The following TMEM67 variants were observed in gnomAD, a reference collection of about 807,000 sequenced individuals.
TMEM67 encodes transmembrane protein 67, also known as meckelin.
In TMEM67, 124 loss-of-function variants were observed where a neutral mutation model predicts 136.6. The observed-to-expected ratio is 0.91, with a 90% CI of 0.78 to 1.05. TMEM67 has a LOEUF of 1.05. Among genes scored for constraint, TMEM67 ranks in the 50% least tolerant of loss-of-function variants. TMEM67 has a pLI of 0.00. For synonymous variants in TMEM67, 364 were observed against 390.5 expected, an observed-to-expected ratio of 0.93 and a Z score of 0.80; for missense variants, 1,107 against 1,178.4, an observed-to-expected ratio of 0.94 and a Z score of 0.89.
chr8:93,755,674 G>A, intron 1 of TMEM67, 104 bp from the exon 2 acceptor site: 1 of 778,606 alleles, frequency 1.3e-6, no homozygotes, highest in Non-Finnish European at 2.1e-6. Flanking sequence ...TCACTATACT[G>A]CTTCTCAAGA....
At chr8:93,763,185 C>G (rs1343915341) in intron 3 of TMEM67, 7 of 192,578 alleles carry the variant, frequency 3.6e-5, no homozygotes, top group African/African-American at 1.4e-4. Flanking sequence ...CCACCTTAGC[C>G]TCCCAAAGGG....
At position 93,781,746 on chromosome 8, in the gene TMEM67, T is replaced by C; in HGVS notation, c.1065+2T>C. The C allele has an allele frequency of 6.4e-7, 1 of 1,570,624 alleles. No homozygotes were observed. Among genetic ancestry groups the C allele is most frequent in the Non-Finnish European group, 8.7e-7 (1 of 1,143,058 alleles). On this transcript the variant is annotated splice_donor_variant, in intron 10 of 27. Coordinates refer to ENST00000453321, the MANE Select transcript of TMEM67 (RefSeq NM_153704.6). LOFTEE classifies it high-confidence loss of function. Reference sequence around the variant, plus strand: ...ACTTTAGAAGGAGGTGTTTTACAGGTAAGCATGATTCTAGTTAAAGAATTA... The same window carrying C: ...ACTTTAGAAGGAGGTGTTTTACAGGCAAGCATGATTCTAGTTAAAGAATTA...
Position 93,780,601 on chromosome 8 carries a change from C to T in TMEM67, c.723C>T (p.Ala241=). The T allele has an allele frequency of 6.2e-7, 1 of 1,614,086 alleles. No individual in the cohort carries two copies. Among genetic ancestry groups the T allele is most frequent in the South Asian group, 1.1e-5 (1 of 91,080 alleles). ...CCATTGTTCTGTTGTAGGTATATGC[C>T]AATCTAACATCTTGTCAAGCTCTTG... ...QSSAAACWVY[A]NLTSCQALGN... Residue 241 remains alanine, a synonymous_variant, in exon 8 of 28, where the codon GCC becomes GCT. Transcript: ENST00000453321.
chr8:93,785,626 G>A (rs1441454559), intron 12 of TMEM67: 1 of 371,568 alleles, frequency 2.7e-6, no homozygotes, highest in African/African-American at 2.1e-5. Flanking sequence ...AGAAACATTA[G>A]TAGAACCGTA....
downstream of TMEM67, among the ~76,000 whole-genome samples, chr8:93,823,399 C>G (rs941620618): frequency 1.3e-5 from 2 of 151,818 alleles, no homozygotes; most frequent in African/African-American, 4.8e-5. Context: ...GGGATTAGGA[C>G]CTGGATTTTT....
intron 7 of TMEM67, among the ~76,000 whole-genome samples, chr8:93,775,594 A>G (rs1302273794): frequency 1.3e-5 from 2 of 152,156 alleles, no homozygotes; most frequent in African/African-American, 4.8e-5. Context: ...TCCCAGCACC[A>G]TTTATTAAAT....
chr8:93,762,829 A>G (rs151106572), intron 3 of TMEM67: 294 of 292,746 alleles, frequency 1.0e-3, no homozygotes, highest in African/African-American at 6.0e-3. Context: ...CATAAGTGGT[A>G]TGTTTGCATA....
rs140191346 is a variant in TMEM67, at chr8:93,782,407, A to G, written c.1078A>G (p.Thr360Ala). The G allele has an allele frequency of 2.9e-4, 469 of 1,612,972 alleles. No homozygotes were observed. In the African/African-American group the frequency reaches 5.8e-3, roughly 20 times the overall value. ...TATTTTGCTGCAGCTTTGTCCAGACACAGAGACAAGGCTAAATGCTGCTTA... is the reference window on the plus strand; with the variant it reads ...TATTTTGCTGCAGCTTTGTCCAGACGCAGAGACAAGGCTAAATGCTGCTTA... ...EGGVLQLCPD[T>A]ETRLNAAYSF... is the part of the protein sequence containing the mutation. Residue 360 changes from threonine (T) to alanine (A), a missense_variant, in exon 11 of 28, where the codon ACA (threonine) becomes GCA (alanine). By Grantham distance (58) the Thr-to-Ala change is moderately conservative. Around this residue, in one of 3 missense-constraint regions of TMEM67, gnomAD observed 925 missense variants for 1,002.4 expected, o/e 0.92. Coordinates refer to ENST00000453321, the MANE Select transcript of TMEM67 (RefSeq NM_153704.6).
chr8:93,795,535 C>CT, intron 17 of TMEM67, 28 bp downstream of exon 17: 1 of 1,508,760 alleles, frequency 6.6e-7, no homozygotes, highest in Non-Finnish European at 9.2e-7. Flanking sequence ...TTTTCCCCAA[C>CT]TGCCAATATC....
chr8:93,776,839 T>G (rs530197059), intron 7 of TMEM67, among the ~76,000 whole-genome samples: 151 of 152,334 alleles, frequency 9.9e-4, no homozygotes, highest in African/African-American at 3.1e-3. Flanking sequence ...TCTGCCAGGC[T>G]TTGGTATCAG....
chr8:93,774,041 G>A (rs1813431272), intron 7 of TMEM67, among the ~76,000 whole-genome samples: 1 of 149,826 alleles, frequency 6.7e-6, no homozygotes, highest in Non-Finnish European at 1.5e-5. Context: ...TTTTTTTTGA[G>A]ACGGAGCCTC....
downstream of TMEM67, among the ~76,000 whole-genome samples, chr8:93,822,600 C>T (rs188659753): frequency 1.3e-5 from 2 of 152,294 alleles, no homozygotes; most frequent in Admixed American, 6.5e-5. Flanking sequence ...GCAAGAGGAA[C>T]GCCATTCTCC....
chr8:93,794,473 C>T (rs1033422093), intron 16 of TMEM67, among the ~76,000 whole-genome samples: 15 of 152,108 alleles, frequency 9.9e-5, no homozygotes, highest in African/African-American at 3.4e-4. Context: ...TTATTATTTG[C>T]GTTTTACACG....
chr8:93,826,192 C>T, the TMEM67 span, among the ~76,000 whole-genome samples: 1 of 129,702 alleles, frequency 7.7e-6, no homozygotes, highest in South Asian at 2.6e-4. Context: ...TGCAGTGGCG[C>T]TATCTCGGCT....
At chr8:93,795,776 T>A (rs1814582886) in intron 17 of TMEM67, 125 bp from the exon 18 acceptor site, 2 of 740,556 alleles carry the variant, frequency 2.7e-6, no homozygotes, top group Non-Finnish European at 4.5e-6. Context: ...CAGAATCAAG[T>A]CCTGCCCGGG....
Position 93,755,049 on chromosome 8 carries a change from G to T in TMEM67, c.135G>T (p.Gln45His). The T allele has an allele frequency of 1.2e-6, 2 of 1,614,178 alleles. No individual in the cohort carries two copies. The highest frequency in any genetic ancestry group is 1.7e-6 in the Non-Finnish European group (2 of 1,180,026). The change falls in exon 1 of 28, where the codon CAG (glutamine) becomes CAT (histidine). Residue 45 changes from glutamine (Q) to histidine (H), a missense_variant. This residue lies in a region of TMEM67 where 178 missense variants were observed against 159.2 expected (regional missense o/e 1.12). Transcript: ENST00000453321. Reference protein sequence around the residue: ...QAQTFSFPFQQPEKCDNNQYF... With the variant: ...QAQTFSFPFQHPEKCDNNQYF... The stretch of plus-strand genomic sequence containing the variant: ...AGACCTTCTCTTTCCCTTTCCAGCA[G>T]CCGGAGAAGTGCGACAACAACCAGT...
In TMEM67 at chr8:93,765,389, T is replaced by C. The variant is rs776471390; in HGVS notation, c.507-17T>C. 3.8e-6 allele frequency: 6 copies of C among 1,599,902 alleles called. No homozygotes were observed. Among genetic ancestry groups the C allele is most frequent in the Non-Finnish European group, 5.1e-6 (6 of 1,169,970 alleles). On this transcript the variant is annotated splice_polypyrimidine_tract_variant and intron_variant, in intron 4 of 27. Transcript: ENST00000453321. Reference sequence around the variant, plus strand: ...ATTTATTAACATTTTTAAAATTATTTTTGTTATATTGAACAGGTGCGTCCG... The same window carrying C: ...ATTTATTAACATTTTTAAAATTATTCTTGTTATATTGAACAGGTGCGTCCG...
At chr8:93,791,598 G>A (rs374062610) in intron 15 of TMEM67, among the ~76,000 whole-genome samples, 36 of 152,164 alleles carry the variant, frequency 2.4e-4, no homozygotes, top group African/African-American at 6.5e-4. Flanking sequence ...GTCATATCTC[G>A]TTAGTGTTTT....
rs1212851821 is a variant in TMEM67 at position 93,785,235 on chromosome 8, T to G, written c.1145T>G (p.Ile382Ser). The change falls in exon 12 of 28, where the codon ATC becomes AGC. Residue 382 changes from isoleucine (I) to serine (S), a missense_variant. This residue lies in a region of TMEM67 where 925 missense variants were observed against 1,002.4 expected (regional missense o/e 0.92). Transcript: ENST00000453321. The part of the protein sequence containing the change: ...TTYQQNCEIP[I>S]SKILIDFPTP... ...TTTACTTTTCAGTGTGAGATTCCTATCTCTAAGATCTTAATTGACTTTCCC... is the reference window on the plus strand; with the variant it reads ...TTTACTTTTCAGTGTGAGATTCCTAGCTCTAAGATCTTAATTGACTTTCCC... 1.3e-6 allele frequency: 2 copies of G among 1,584,340 alleles called. No individual in the cohort carries two copies. Among genetic ancestry groups the G allele is most frequent in the Non-Finnish European group, 1.7e-6 (2 of 1,154,494 alleles).
Sources: allele counts gnomAD v4.1 joint callset (sites outside exome capture counted in the v4.1 genomes callset), GRCh38; gene constraint gnomAD v4.1.1; regional missense constraint gnomAD v4.1.1; transcripts MANE v1.5; gene names NCBI Gene and HGNC (gene_info 2026-07-23, HGNC 2026-07-21).